PPM1H: variants seen among roughly 807,000 people sequenced by gnomAD.
PPM1H encodes the protein protein phosphatase 1H.
A neutral mutation model predicts 54.9 loss-of-function variants in PPM1H; 27 were observed. The observed-to-expected ratio is 0.49, with a 90% CI of 0.36 to 0.68. PPM1H has a LOEUF of 0.68. PPM1H is among the 30% of genes least tolerant of loss of function. The pLI is 0.00. For synonymous variants in PPM1H, 305 were observed against 270.8 expected, an observed-to-expected ratio of 1.13 and a Z score of -1.24; for missense variants, 596 against 667.8, an observed-to-expected ratio of 0.89 and a Z score of 1.19.
rs2075924232 is a variant in PPM1H at position 62,667,219 on chromosome 12, G to A, written c.1356C>T (p.Ile452=). 1 of 1,600,600 alleles carries A rather than the reference G, an allele frequency of 6.2e-7. No individual in the cohort carries two copies. The highest frequency in any genetic ancestry group is 1.3e-5 in the African/African-American group (1 of 74,586). The change falls in exon 9 of 10, where the codon ATC becomes ATT. Residue 452 remains isoleucine, a synonymous_variant. Transcript: ENST00000228705. The stretch of plus-strand genomic sequence containing the variant: ...GATCACAGTTAGGAAGAAACTGAGT[G>A]ATTGCTTCTGCTACTTCTTCATTTG... ...VLSNEEVAEA[I]TQFLPNCDPD... is the part of the protein sequence containing the mutation.
intron 2 of PPM1H, among the ~76,000 whole-genome samples, chr12:62,817,149 A>G (rs1301257713): frequency 3.0e-5 from 4 of 132,768 alleles, no homozygotes; most frequent in African/African-American, 5.6e-5. Context: ...AAAAAAAAAA[A>G]ACTAAAAAAA....
intron 1 of PPM1H, among the ~76,000 whole-genome samples, chr12:62,852,726 A>G (rs937793352): frequency 1.3e-5 from 2 of 152,192 alleles, no homozygotes; most frequent in African/African-American, 4.8e-5. Context: ...ATTTCTTGCT[A>G]ATTTCATGGA....
At chr12:62,686,381 AC>A (rs1247003254) in intron 8 of PPM1H, among the ~76,000 whole-genome samples, 1 of 152,194 alleles carries the variant, frequency 6.6e-6, no homozygotes, top group Non-Finnish European at 1.5e-5. Flanking sequence ...CAAAATCAAG[AC>A]CTTTACGGAT....
At position 62,657,401 on chromosome 12, in the gene PPM1H, C is replaced by T. The variant is rs561152940; in HGVS notation, c.1398-8765G>A. Among the ~76,000 whole-genome samples the T allele has an allele frequency of 3.3e-5, 5 of 152,344 alleles. No homozygotes were observed. In the East Asian group the frequency reaches 9.7e-4, roughly 29 times the overall value. On this transcript the variant is annotated intron_variant, in intron 9 of 9. Transcript: ENST00000228705. ...CACACAGCTAAGGGGCCACACAGCT[C>T]TGCCACATAAACACCCTAAACAGGA...
intron 1 of PPM1H, among the ~76,000 whole-genome samples, chr12:62,907,299 T>C (rs1377266674): frequency 6.6e-6 from 1 of 152,214 alleles, no homozygotes; most frequent in Non-Finnish European, 1.5e-5. Context: ...TCATTACATT[T>C]CATCATCACG....
intron 9 of PPM1H, among the ~76,000 whole-genome samples, chr12:62,662,848 C>T (rs1211469716): frequency 6.6e-6 from 1 of 152,208 alleles, no homozygotes; most frequent in Non-Finnish European, 1.5e-5. Context: ...CCCTTGGTAT[C>T]TGCCTCTTCT....
Position 62,844,279 on chromosome 12 carries a change from T to A in PPM1H, c.246-12000A>T, listed in dbSNP as rs1420693643. The stretch of plus-strand genomic sequence containing the variant: ...CAGCACTTTCTGTACAAAGCCAGTA[T>A]GTAACATTACAGTGATTTGCTTAGT... On this transcript the variant is annotated intron_variant, in intron 1 of 9. Coordinates refer to ENST00000228705, the MANE Select transcript of PPM1H (RefSeq NM_020700.2). This position sits in a 1 kb window ranked among gnomAD's most constrained non-coding sequence, Gnocchi z 5.2. Among the ~76,000 whole-genome samples the A allele has an allele frequency of 6.6e-6, 1 of 152,210 alleles. No individual in the cohort carries two copies. Among genetic ancestry groups the A allele is most frequent in the African/African-American group, 2.4e-5 (1 of 41,456 alleles).
At chr12:62,651,620 C>T (rs1361654350) in intron 9 of PPM1H, among the ~76,000 whole-genome samples, 1 of 152,158 alleles carries the variant, frequency 6.6e-6, no homozygotes, top group Non-Finnish European at 1.5e-5. Context: ...ATTTCCTATT[C>T]CAAGATAACT....
rs1869307460 is a variant in PPM1H at position 62,854,414 on chromosome 12, A to G, written c.246-22135T>C. ...ATCTGACACTTTGATCACTCTCCAC[A>G]AGCTTTACCCTTTTGCCTTATGTGC... On this transcript the variant is annotated intron_variant, in intron 1 of 9. Coordinates refer to ENST00000228705, the MANE Select transcript of PPM1H (RefSeq NM_020700.2). Among the ~76,000 whole-genome samples the G allele has an allele frequency of 2.0e-5, 3 of 152,008 alleles. No homozygotes were observed. The South Asian group carries it at 6.2e-4, about 32-fold the overall frequency.
chr12:62,916,801 T>A (rs1045559547), intron 1 of PPM1H, among the ~76,000 whole-genome samples: 2 of 152,136 alleles, frequency 1.3e-5, no homozygotes, highest in Non-Finnish European at 2.9e-5. Context: ...GGGAGGAAGC[T>A]GATGTAGGCA....
chr12:62,822,308 G>C (rs1240616071), intron 2 of PPM1H, among the ~76,000 whole-genome samples: 7 of 152,122 alleles, frequency 4.6e-5, no homozygotes, highest in African/African-American at 1.7e-4. Context: ...ATAATAATGG[G>C]AGACTTTAAC....
chr12:62,838,341 G>GGT (rs1868575144), intron 1 of PPM1H, among the ~76,000 whole-genome samples: 1 of 135,668 alleles, frequency 7.4e-6, no homozygotes, highest in African/African-American at 3.3e-5. Context: ...GTGTGTGTGG[G>GGT]GGGGGGGAGA....
intron 1 of PPM1H, among the ~76,000 whole-genome samples, chr12:62,856,312 C>G (rs531202730): frequency 6.6e-6 from 1 of 152,146 alleles, no homozygotes; most frequent in Non-Finnish European, 1.5e-5. Flanking sequence ...GGGGGCCTCT[C>G]TAATGAGCAT....
rs34304517 is a variant in PPM1H, at chr12:62,739,079, GA to G, written c.870-1494del. Among the ~76,000 whole-genome samples, 810 of 146,160 alleles carry G rather than the reference GA, an allele frequency of 5.5e-3. 5 individuals carry two copies. The highest frequency in any genetic ancestry group is 0.018 in the African/African-American group (729 of 40,056). On this transcript the variant is annotated intron_variant, in intron 4 of 9. Transcript: ENST00000228705. ...GGTTTTAGAGAACTTATGACTCTAG[GA>G]AAAAAAAAAACAGTGGAAGCTGTGA...
At chr12:62,694,156 T>TTG (rs1044666446) in intron 6 of PPM1H, among the ~76,000 whole-genome samples, 157 bp from the exon 7 acceptor site, 1 of 152,100 alleles carries the variant, frequency 6.6e-6, no homozygotes, top group Non-Finnish European at 1.5e-5. Flanking sequence ...CCCTACAGAA[T>TTG]TGTGTGTGTG....
chr12:62,804,537 A>T (rs7303342), intron 2 of PPM1H, among the ~76,000 whole-genome samples: 2,556 of 151,820 alleles, frequency 0.017, 76 homozygotes, highest in African/African-American at 0.058. Flanking sequence ...CTTAAAAAAA[A>T]TTTTTTTTGG....
intron 1 of PPM1H, among the ~76,000 whole-genome samples, chr12:62,920,483 A>G (rs1362274131): frequency 2.5e-4 from 34 of 138,640 alleles, no homozygotes; most frequent in Non-Finnish European, 1.4e-4. Flanking sequence ...CACCTGAATG[A>G]GGTTTTTTTT....
intron 4 of PPM1H, among the ~76,000 whole-genome samples, chr12:62,787,916 T>C (rs2076682461): frequency 1.3e-5 from 2 of 152,180 alleles, no homozygotes; most frequent in African/African-American, 4.8e-5. Flanking sequence ...CTCGAATCCC[T>C]TTCCTTCCTC....
chr12:62,811,177 C>T (rs921584900), intron 2 of PPM1H, among the ~76,000 whole-genome samples: 2 of 152,162 alleles, frequency 1.3e-5, no homozygotes, highest in African/African-American at 4.8e-5. Context: ...GATGAAACTG[C>T]TCTGAATCCC....
Sources: gnomAD v4.1 joint callset for allele counts (sites outside exome capture counted in the v4.1 genomes callset) on GRCh38, gnomAD v4.1.1 for gene constraint, Gnocchi (gnomAD v3.1) non-coding constraint, MANE v1.5 for transcripts, NCBI Gene and HGNC (gene_info 2026-07-23, HGNC 2026-07-21) for gene names.